ACOXL: variants seen among roughly 807,000 people sequenced by gnomAD.
The protein encoded by ACOXL is acyl-CoA oxidase like.
In ACOXL, 70 loss-of-function variants were observed where a neutral mutation model predicts 71.9. The observed-to-expected ratio is 0.97, with a 90% confidence interval of 0.80 to 1.19. The LOEUF (loss-of-function observed/expected upper bound fraction) is 1.19. Among genes scored for constraint, ACOXL ranks in the 50% most tolerant of loss-of-function variants. The pLI is 0.00. For missense variants in ACOXL, 703 were observed against 736.3 expected (o/e 0.95, Z 0.52); for synonymous variants, 253 against 281.6 (o/e 0.90, Z 1.02).
intron 11 of ACOXL, among the ~76,000 whole-genome samples, chr2:110,915,350 A>G (rs367753499): frequency 0.026 from 3,002 of 113,578 alleles, 58 homozygotes; most frequent in African/African-American, 0.051. Context: ...ATATATATAT[A>G]TGTGTGTGTG....
At chr2:110,881,614 A>G (rs1696655007) in intron 10 of ACOXL, among the ~76,000 whole-genome samples, 2 of 152,124 alleles carry the variant, frequency 1.3e-5, no homozygotes, top group Non-Finnish European at 2.9e-5. Context: ...GTCTCTCCAT[A>G]ATCTCTCTCT....
At chr2:110,923,005 T>C (rs973569117) in intron 11 of ACOXL, among the ~76,000 whole-genome samples, 31 of 152,272 alleles carry the variant, frequency 2.0e-4, no homozygotes, top group Admixed American at 1.9e-3. Flanking sequence ...TGCAGCTTCT[T>C]TCCTTTCCTC....
intron 9 of ACOXL, among the ~76,000 whole-genome samples, chr2:110,812,753 A>G (rs527955489): frequency 6.6e-6 from 1 of 152,362 alleles, no homozygotes; most frequent in South Asian, 2.1e-4. Context: ...AAGAATTTCC[A>G]TTTTGAATTT....
At chr2:110,823,809 C>T (rs1374754200) in intron 9 of ACOXL, among the ~76,000 whole-genome samples, 2 of 152,028 alleles carry the variant, frequency 1.3e-5, no homozygotes, top group Non-Finnish European at 2.9e-5. Flanking sequence ...TTTTTATTTT[C>T]AGTTGAGTTG....
chr2:110,845,627 C>A (rs1344526757), intron 10 of ACOXL, among the ~76,000 whole-genome samples: 1 of 152,200 alleles, frequency 6.6e-6, no homozygotes, highest in Non-Finnish European at 1.5e-5. Context: ...CACCATTTTA[C>A]TTTTTGTCTC....
At chr2:110,840,598 C>T (rs1293287550) in intron 9 of ACOXL, among the ~76,000 whole-genome samples, 2 of 152,146 alleles carry the variant, frequency 1.3e-5, no homozygotes, top group African/African-American at 2.4e-5. Context: ...GCTGGCCTGA[C>T]CCTTGTAATC....
chr2:111,064,352 C>T (rs899305547), intron 16 of ACOXL, among the ~76,000 whole-genome samples: 7 of 145,512 alleles, frequency 4.8e-5, no homozygotes, highest in Middle Eastern at 3.8e-3. Flanking sequence ...AGGAGAATGG[C>T]GTGAACTTGG....
chr2:110,885,503 G>A lies in ACOXL; in HGVS notation c.789-23286G>A, dbSNP rs549066868. Among the ~76,000 whole-genome samples the A allele has an allele frequency of 2.1e-4, 32 of 151,816 alleles. No homozygotes were observed. In the South Asian group the frequency reaches 6.2e-3, roughly 30 times the overall value. ...TATTATTATTATTTTTTTACAATTT[G>A]TTATGCTTCGTATTTCATATTTGCA... On this transcript the variant is annotated intron_variant, in intron 10 of 17. Transcript: ENST00000439055.
chr2:111,101,538 C>A (rs1036245007), intron 17 of ACOXL, among the ~76,000 whole-genome samples: 4 of 151,932 alleles, frequency 2.6e-5, no homozygotes, highest in African/African-American at 9.7e-5. Context: ...GTAACATGAA[C>A]TAAGGTTTAG....
At chr2:111,004,614 T>G (rs1367927870) in intron 14 of ACOXL, among the ~76,000 whole-genome samples, 1 of 152,182 alleles carries the variant, frequency 6.6e-6, no homozygotes. Flanking sequence ...TGCAAACAAC[T>G]CGTCATTACA....
intron 10 of ACOXL, among the ~76,000 whole-genome samples, chr2:110,859,065 T>C (rs1354050746): frequency 2.0e-5 from 3 of 152,242 alleles, no homozygotes. Context: ...CAGTTATAGC[T>C]CTGCGTTTAG....
chr2:111,028,876 C>T (rs974745754), intron 14 of ACOXL, among the ~76,000 whole-genome samples: 5 of 152,058 alleles, frequency 3.3e-5, no homozygotes, highest in African/African-American at 1.2e-4. Flanking sequence ...AAACAGCATG[C>T]TTGGGAGGGG....
chr2:110,901,676 A>G (rs2059240071), intron 10 of ACOXL, among the ~76,000 whole-genome samples: 1 of 150,954 alleles, frequency 6.6e-6, no homozygotes, highest in Non-Finnish European at 1.5e-5. Flanking sequence ...ACACACACAT[A>G]TACACTCACT....
intron 1 of ACOXL, among the ~76,000 whole-genome samples, chr2:110,767,806 C>A (rs1036687334): frequency 9.2e-5 from 14 of 152,270 alleles, no homozygotes; most frequent in African/African-American, 3.1e-4. Context: ...ATGGTCTTGG[C>A]CGGGCGCGGT....
chr2:111,085,738 C>G (rs1443911332), intron 16 of ACOXL, among the ~76,000 whole-genome samples: 2 of 151,890 alleles, frequency 1.3e-5, no homozygotes, highest in African/African-American at 4.8e-5. Context: ...CAAAGCAGAA[C>G]TGAAGGAGAT....
At chr2:111,031,768 T>A (rs2065282202) in intron 15 of ACOXL, 54 bp downstream of exon 15, 3 of 1,537,892 alleles carry the variant, frequency 2.0e-6, no homozygotes, top group Admixed American at 1.7e-5. Flanking sequence ...GGTCTACGGG[T>A]CCCTGGAGAC....
chr2:111,028,793 C>A (rs965278565), intron 14 of ACOXL, among the ~76,000 whole-genome samples: 1 of 152,144 alleles, frequency 6.6e-6, no homozygotes, highest in Admixed American at 6.5e-5. Flanking sequence ...ATAGTCATAT[C>A]TTTTCATTCA....
chr2:110,969,583 G>C (rs993389604), intron 12 of ACOXL, among the ~76,000 whole-genome samples: 9 of 152,240 alleles, frequency 5.9e-5, no homozygotes, highest in African/African-American at 2.2e-4. Context: ...GGCCGAGGTG[G>C]GCAGCTTACC....
At chr2:111,051,786 A>T (rs2066300613) in intron 16 of ACOXL, among the ~76,000 whole-genome samples, 1 of 152,224 alleles carries the variant, frequency 6.6e-6, no homozygotes, top group Non-Finnish European at 1.5e-5. Context: ...TTTTAAAATT[A>T]TATTTTGCAT....
Sources: gnomAD v4.1 joint callset for allele counts (sites outside exome capture counted in the v4.1 genomes callset) on GRCh38, gnomAD v4.1.1 for gene constraint, MANE v1.5 for transcripts, NCBI Gene and HGNC (gene_info 2026-07-23, HGNC 2026-07-21) for gene names.